MAST4: variants seen among roughly 807,000 people sequenced by gnomAD.
MAST4 encodes microtubule associated serine/threonine kinase family member 4, also known as microtubule-associated serine/threonine-protein kinase 4.
In MAST4, 89 loss-of-function variants were observed where a neutral mutation model predicts 162.7. That is an observed-to-expected ratio of 0.55 (90% CI 0.46 to 0.65). The LOEUF is 0.65. MAST4 is among the 30% of genes least tolerant of loss of function. The probability of loss-of-function intolerance (pLI) is 0.00; values close to 1 mark genes in which losing one functional copy is unlikely to be tolerated. For synonymous variants in MAST4, 1,479 were observed against 1,361.1 expected (o/e 1.09, Z -1.91); for missense variants, 3,153 against 3,374.0 (o/e 0.93, Z 1.62).
At chr5:66,845,746 C>T (rs1194233940) in intron 3 of MAST4, among the ~76,000 whole-genome samples, 1 of 152,094 alleles carries the variant, frequency 6.6e-6, no homozygotes, top group African/African-American at 2.4e-5. Flanking sequence ...TAAAAGCGTT[C>T]CTATTTCTCC....
chr5:66,640,293 A>G lies in MAST4; in HGVS notation c.363+43275A>G, dbSNP rs991235788. On this transcript the variant is annotated intron_variant, in intron 1 of 28. Coordinates refer to ENST00000403625, the MANE Select transcript of MAST4 (RefSeq NM_001164664.2). ...CCACTATTTGTGTAGATAGATGGAT[A>G]TCTCACAATTTGTTTCTTTTTTTTT... Among the ~76,000 whole-genome samples the G allele has an allele frequency of 6.0e-5, 9 of 150,616 alleles. No homozygotes were observed. The East Asian group carries it at 1.4e-3, about 23-fold the overall frequency.
At position 67,166,462 on chromosome 5, in the gene MAST4, C is replaced by T. The variant is rs1405168273; in HGVS notation, c.7283C>T (p.Pro2428Leu). 1.1e-5 allele frequency: 17 copies of T among 1,601,838 alleles called. No homozygotes were observed. Among genetic ancestry groups the T allele is most frequent in the South Asian group, 2.2e-5 (2 of 89,202 alleles). Reference protein sequence around the residue: ...RGKGPGPQKPPTEADKPNGMK... With the variant: ...RGKGPGPQKPLTEADKPNGMK... ...AAAGGGCCCGGTCCCCAGAAGCCAC[C>T]GACGGAGGCAGACAAGCCCAATGGC... The change falls in exon 29 of 29, where the codon CCG becomes CTG. Residue 2428 changes from proline to leucine, a missense_variant. Around this residue, in one of 7 missense-constraint regions of MAST4, gnomAD observed 1,644 missense variants for 1,495.0 expected, o/e 1.10. Transcript: ENST00000403625.
chr5:67,023,071 A>G (rs187706022), intron 4 of MAST4, among the ~76,000 whole-genome samples: 3 of 152,318 alleles, frequency 2.0e-5, no homozygotes, highest in Admixed American at 1.3e-4. Context: ...AGCAAGAACA[A>G]TGTTCTATTA....
intron 6 of MAST4, among the ~76,000 whole-genome samples, chr5:67,090,445 C>T (rs1351540007): frequency 1.2e-4 from 5 of 42,534 alleles, no homozygotes; most frequent in South Asian, 1.2e-3. Context: ...TCCCCCTCCC[C>T]GCTTCTCCCC....
chr5:66,679,302 A>C lies in MAST4; in HGVS notation c.364-80407A>C, dbSNP rs1397960099. Among the ~76,000 whole-genome samples the C allele has an allele frequency of 2.0e-5, 3 of 152,286 alleles. No homozygotes were observed. In the East Asian group the frequency reaches 5.8e-4, roughly 29 times the overall value. On this transcript the variant is annotated intron_variant, in intron 1 of 28. Coordinates refer to ENST00000403625, the MANE Select transcript of MAST4 (RefSeq NM_001164664.2). Reference sequence around the variant, plus strand: ...AAAGCAACAAATCTAAATCATGTAGAAGATAGAATTGGCCAGATTTAGTGG... The same window carrying C: ...AAAGCAACAAATCTAAATCATGTAGCAGATAGAATTGGCCAGATTTAGTGG...
intron 1 of MAST4, among the ~76,000 whole-genome samples, chr5:66,661,560 A>T (rs879723453): frequency 6.6e-6 from 1 of 152,182 alleles, no homozygotes; most frequent in African/African-American, 2.4e-5. Context: ...AATGAGAAAG[A>T]AAAGGAGGAT....
intron 4 of MAST4, among the ~76,000 whole-genome samples, chr5:66,919,930 TTCCTTCCTTC>T (rs1232632989): frequency 7.9e-6 from 1 of 126,726 alleles, no homozygotes; most frequent in Non-Finnish European, 1.6e-5. Context: ...CCTTCCTTCC[TTCCTTCCTTC>T]CTTCCTTCCT....
intron 1 of MAST4, among the ~76,000 whole-genome samples, chr5:66,678,838 C>T (rs1748134695): frequency 6.6e-6 from 1 of 151,512 alleles, no homozygotes; most frequent in Admixed American, 6.6e-5. Context: ...GTCGCCCAGG[C>T]TAGAGTGCAG....
chr5:67,115,110 A>G (rs927479908), intron 12 of MAST4: 2 of 152,124 alleles, frequency 1.3e-5, no homozygotes, highest in Non-Finnish European at 2.9e-5. Context: ...ATCAAATTAA[A>G]TACAGAGAAT....
chr5:66,752,538 G>A (rs1282185117), intron 1 of MAST4, among the ~76,000 whole-genome samples: 2 of 139,718 alleles, frequency 1.4e-5, no homozygotes, highest in African/African-American at 5.4e-5. Flanking sequence ...AAGATCAAAA[G>A]AGACAAAGAA....
intron 4 of MAST4, among the ~76,000 whole-genome samples, chr5:67,031,287 A>C (rs765326977): frequency 1.3e-5 from 2 of 152,132 alleles, no homozygotes; most frequent in African/African-American, 2.4e-5. Context: ...CCCAGAGTTG[A>C]TGGCAGAGGA....
At chr5:67,129,493 G>T (rs1768673563) in intron 14 of MAST4, among the ~76,000 whole-genome samples, 1 of 152,002 alleles carries the variant, frequency 6.6e-6, no homozygotes, top group South Asian at 2.1e-4. Flanking sequence ...GCCAAGGAGG[G>T]CAGATCACTT....
chr5:67,165,070 C>T lies in MAST4; in HGVS notation c.5891C>T (p.Ser1964Leu). The T allele has an allele frequency of 1.2e-6, 2 of 1,600,712 alleles. No individual in the cohort carries two copies. The highest frequency in any genetic ancestry group is 1.7e-5 in the Admixed American group (1 of 57,564). Residue 1964 changes from serine to leucine, a missense_variant, in exon 29 of 29, where the codon TCA becomes TTA. Physicochemically the swap from Ser to Leu is moderately radical, Grantham distance 145. Transcript: ENST00000403625. ...CCGCTCCCACCTGAAGCTTCCCCCT[C>T]AAGGGAGAAGCCAGGCCTGAGGGAA... ...RCPLPPEASP[S>L]REKPGLRESS...
intron 1 of MAST4, among the ~76,000 whole-genome samples, chr5:66,633,108 C>T (rs1046903045): frequency 3.3e-5 from 5 of 152,172 alleles, no homozygotes; most frequent in African/African-American, 1.2e-4. Flanking sequence ...ATTCACATCA[C>T]CAGTCATGTA....
intron 4 of MAST4, among the ~76,000 whole-genome samples, chr5:67,011,963 A>G (rs1211506651): frequency 6.6e-6 from 1 of 152,102 alleles, no homozygotes; most frequent in Admixed American, 6.5e-5. Flanking sequence ...TATGGAGCAT[A>G]TGCTGCATGG....
intron 12 of MAST4, among the ~76,000 whole-genome samples, chr5:67,116,280 A>G (rs573517879): frequency 5.3e-5 from 8 of 152,088 alleles, no homozygotes; most frequent in Admixed American, 3.3e-4. Context: ...ATCTCGGCTC[A>G]CTGCAACCTC....
chr5:67,108,329 T>C (rs2150891996), intron 10 of MAST4, among the ~76,000 whole-genome samples: 2 of 152,284 alleles, frequency 1.3e-5, no homozygotes, highest in East Asian at 3.9e-4. Flanking sequence ...CTTCCCAAAG[T>C]GTCAACTAAG....
Position 67,110,101 on chromosome 5 carries a change from C to T in MAST4, c.1360C>T (p.His454Tyr). The change falls in exon 11 of 29, where the codon CAT (histidine) becomes TAT (tyrosine). Residue 454 changes from histidine to tyrosine, a missense_variant. This residue lies in a region of MAST4 where 360 missense variants were observed against 450.0 expected (regional missense o/e 0.80). Transcript: ENST00000403625. ...TCTCTTTATTGCTTTTTCATAGGCT[C>T]ATGATCGTTCAGAAAGTGGAGAATT... ...HKLDKLLQEA[H>Y]DRSESGELAF... The T allele has an allele frequency of 6.2e-7, 1 of 1,611,356 alleles. No individual in the cohort carries two copies. Among genetic ancestry groups the T allele is most frequent in the Non-Finnish European group, 8.5e-7 (1 of 1,177,528 alleles).
intron 1 of MAST4, among the ~76,000 whole-genome samples, chr5:66,737,204 G>T (rs562030507): frequency 7.2e-5 from 11 of 152,152 alleles, no homozygotes; most frequent in Non-Finnish European, 1.0e-4. Context: ...CTGATGGTTT[G>T]ACTGGGGCTG....
Sources: gnomAD v4.1 joint callset for allele counts (sites outside exome capture counted in the v4.1 genomes callset) on GRCh38, gnomAD v4.1.1 for gene constraint, gnomAD v4.1.1 regional missense constraint, MANE v1.5 for transcripts, NCBI Gene and HGNC (gene_info 2026-07-23, HGNC 2026-07-21) for gene names.